The following PLEKHH2 variants were observed in gnomAD, a reference collection of about 807,000 sequenced individuals.
PLEKHH2 encodes the protein pleckstrin homology domain-containing family H member 2.
In PLEKHH2, 129 loss-of-function variants were observed where a neutral mutation model predicts 187.9. The observed-to-expected ratio is 0.69, with a 90% CI of 0.59 to 0.79. The LOEUF (loss-of-function observed/expected upper bound fraction) is 0.79, where lower values mean the gene tolerates loss of function less well. Ranked by LOEUF, PLEKHH2 falls within the 30% of genes least tolerant of loss-of-function variation. The pLI is 0.00. For synonymous variants in PLEKHH2, 686 were observed against 605.6 expected, an observed-to-expected ratio of 1.13 and a Z score of -1.95; for missense variants, 2,076 against 1,751.2, an observed-to-expected ratio of 1.19 and a Z score of -3.31.
chr2:43,750,779 C>T (rs61339341), intron 24 of PLEKHH2, among the ~76,000 whole-genome samples: 262 of 152,302 alleles, frequency 1.7e-3, no homozygotes, highest in African/African-American at 6.0e-3. Context: ...TAGCAATTCT[C>T]ACGTACCATT....
Position 43,700,145 on chromosome 2 carries a change from A to C in PLEKHH2, c.1187A>C (p.Asp396Ala), listed in dbSNP as rs755021902. 6.2e-7 allele frequency: 1 copy of C among 1,614,024 alleles called. No homozygotes were observed. The highest frequency in any genetic ancestry group is 8.5e-7 in the Non-Finnish European group (1 of 1,180,022). ...LNKKFQSQRL[D>A]YSSSSSEANT... ...AAAAAATTTCAATCCCAGAGACTCGATTATTCATCTTCATCGAGTGAAGCC... is the reference window on the plus strand; with the variant it reads ...AAAAAATTTCAATCCCAGAGACTCGCTTATTCATCTTCATCGAGTGAAGCC... Residue 396 changes from aspartate (D) to alanine (A), a missense_variant, in exon 8 of 30, where the codon GAT (aspartate) becomes GCT (alanine). Coordinates refer to ENST00000282406, the MANE Select transcript of PLEKHH2 (RefSeq NM_172069.4).
At chr2:43,678,534 C>T (rs1038402284) in intron 2 of PLEKHH2, among the ~76,000 whole-genome samples, 1 of 152,196 alleles carries the variant, frequency 6.6e-6, no homozygotes, top group Non-Finnish European at 1.5e-5. Flanking sequence ...ACAGCGAAAC[C>T]CCGTCTCCAC....
chr2:43,692,255 T>C (rs17031280), intron 3 of PLEKHH2: 39,670 of 262,584 alleles, frequency 0.15, 3,245 homozygotes, highest in Middle Eastern at 0.23. Context: ...TTGTCATCGC[T>C]CTAGGAAACA....
chr2:43,670,204 T>C (rs1667429147), intron 2 of PLEKHH2, among the ~76,000 whole-genome samples: 1 of 152,218 alleles, frequency 6.6e-6, no homozygotes, highest in Non-Finnish European at 1.5e-5. Context: ...CTGATAGTAA[T>C]GCTTTATGCC....
intron 23 of PLEKHH2, 80 bp downstream of exon 23, chr2:43,744,069 A>G (rs1671679989): frequency 6.6e-7 from 1 of 1,523,804 alleles, no homozygotes; most frequent in Non-Finnish European, 8.8e-7. Flanking sequence ...AAACTTTGCA[A>G]GAAGTTTAAT....
rs1672599739 is a variant in PLEKHH2, at chr2:43,765,750, T to G, written c.*152T>G. The G allele has an allele frequency of 3.0e-6, 2 of 668,034 alleles. No homozygotes were observed. The highest frequency in any genetic ancestry group is 4.6e-6 in the Non-Finnish European group (2 of 434,238). The allele number at this position is 668,034 out of a possible 1,614,324, so 41.4% of individuals were successfully genotyped here. On this transcript the variant is annotated 3_prime_UTR_variant, in exon 30 of 30. Transcript: ENST00000282406. ...GGGTTAGTCTCTTTTATTTGATTCTTAAATATTCAAATAAATATTAACAGT... is the reference window on the plus strand; with the variant it reads ...GGGTTAGTCTCTTTTATTTGATTCTGAAATATTCAAATAAATATTAACAGT...
chr2:43,741,346 GC>G (rs1671551735), intron 21 of PLEKHH2: 1 of 181,474 alleles, frequency 5.5e-6, no homozygotes, highest in Admixed American at 6.1e-5. Context: ...TTCAATAAAA[GC>G]AACTATTTTG....
At chr2:43,763,609 A>G (rs1374293166) in intron 28 of PLEKHH2, among the ~76,000 whole-genome samples, 4 of 140,882 alleles carry the variant, frequency 2.8e-5, no homozygotes, top group South Asian at 2.1e-4. Flanking sequence ...TTTTTTTCAT[A>G]GAAACTGGGT....
chr2:43,678,973 TAA>T, intron 3 of PLEKHH2, 48 bp downstream of exon 3: 1 of 1,294,488 alleles, frequency 7.7e-7, no homozygotes, highest in East Asian at 2.3e-5. Context: ...ACTACTCACA[TAA>T]AGATTGTTTT....
chr2:43,702,160 C>A (rs1009304510), intron 8 of PLEKHH2, among the ~76,000 whole-genome samples: 1 of 152,314 alleles, frequency 6.6e-6, no homozygotes, highest in South Asian at 2.1e-4. Context: ...GGTTGCAGGA[C>A]TCTTTTGGTT....
At chr2:43,674,984 C>CA (rs57920523) in intron 2 of PLEKHH2, among the ~76,000 whole-genome samples, 4,710 of 104,036 alleles carry the variant, frequency 0.045, 86 homozygotes, top group South Asian at 0.08. Context: ...GACTCCATTT[C>CA]AAAAAAAAAA....
intron 17 of PLEKHH2, 59 bp from the exon 18 acceptor site, chr2:43,729,576 GTT>G: frequency 8.8e-7 from 1 of 1,142,520 alleles, no homozygotes; most frequent in South Asian, 1.9e-5. Context: ...TATGCAAGTT[GTT>G]TTTTTTTCTT....
intron 16 of PLEKHH2, among the ~76,000 whole-genome samples, chr2:43,721,884 C>T (rs543011561): frequency 6.6e-6 from 1 of 151,936 alleles, no homozygotes; most frequent in East Asian, 1.9e-4. Context: ...GAGACCCTGT[C>T]TCAAAATAAA....
At chr2:43,749,157 T>C (rs1671907283) in intron 24 of PLEKHH2, among the ~76,000 whole-genome samples, 2 of 152,232 alleles carry the variant, frequency 1.3e-5, no homozygotes, top group South Asian at 4.1e-4. Flanking sequence ...GGATAAAATT[T>C]GGATATGAAA....
At chr2:43,666,803 T>C (rs1226725521) in intron 2 of PLEKHH2, among the ~76,000 whole-genome samples, 2 of 152,200 alleles carry the variant, frequency 1.3e-5, no homozygotes, top group African/African-American at 2.4e-5. Flanking sequence ...AAAATGGGGT[T>C]ATTTGTATTC....
intron 19 of PLEKHH2, among the ~76,000 whole-genome samples, chr2:43,734,541 C>G (rs1037401994): frequency 6.6e-6 from 1 of 152,124 alleles, no homozygotes; most frequent in Non-Finnish European, 1.5e-5. Context: ...AAATCAGCAT[C>G]GTAATGAAAT....
At chr2:43,641,684 A>G (rs1665938046) in intron 1 of PLEKHH2, among the ~76,000 whole-genome samples, 1 of 152,178 alleles carries the variant, frequency 6.6e-6, no homozygotes, top group African/African-American at 2.4e-5. Flanking sequence ...GGTATGAGGT[A>G]TGGGTCCACA....
At chr2:43,659,795 G>C (rs553535643) in intron 2 of PLEKHH2, among the ~76,000 whole-genome samples, 1 of 152,064 alleles carries the variant, frequency 6.6e-6, no homozygotes, top group East Asian at 1.9e-4. Context: ...CTGACCTCAA[G>C]TGATCCGCCT....
intron 6 of PLEKHH2, 27 bp from the exon 7 acceptor site, chr2:43,697,144 T>A: frequency 2.0e-6 from 3 of 1,522,082 alleles, no homozygotes; most frequent in Non-Finnish European, 2.7e-6. Context: ...AAAATTCAAA[T>A]CTTAATTTTG....
Sources: gnomAD v4.1 joint callset for allele counts (sites outside exome capture counted in the v4.1 genomes callset) on GRCh38, gnomAD v4.1.1 for gene constraint, MANE v1.5 for transcripts, NCBI Gene and HGNC (gene_info 2026-07-23, HGNC 2026-07-21) for gene names.